ULK4: variants seen among roughly 807,000 people sequenced by gnomAD.
The protein encoded by ULK4 is unc-51 like kinase 4.
A neutral mutation model predicts 160.6 loss-of-function variants in ULK4; 133 were observed. That is an observed-to-expected ratio of 0.83 (90% CI 0.72 to 0.96). The LOEUF (loss-of-function observed/expected upper bound fraction) is 0.96, where lower values mean the gene tolerates loss of function less well. Among genes scored for constraint, ULK4 ranks in the 40% least tolerant of loss-of-function variants. The probability of loss-of-function intolerance (pLI) is 0.00; values close to 1 mark genes in which losing one functional copy is unlikely to be tolerated. For synonymous variants in ULK4, 534 were observed against 539.8 expected, an observed-to-expected ratio of 0.99 and a Z score of 0.15; for missense variants, 1,580 against 1,499.5, an observed-to-expected ratio of 1.05 and a Z score of -0.89.
intron 32 of ULK4, among the ~76,000 whole-genome samples, chr3:41,465,882 G>A (rs986308264): frequency 9.9e-5 from 15 of 152,030 alleles, no homozygotes; most frequent in South Asian, 8.3e-4. Context: ...CTTTCCTGTC[G>A]TTTACCAGTT....
intron 34 of ULK4, among the ~76,000 whole-genome samples, chr3:41,435,150 G>A (rs1237549237): frequency 6.6e-6 from 1 of 152,168 alleles, no homozygotes; most frequent in African/African-American, 2.4e-5. Context: ...AATAGCTTAA[G>A]CAAGCAATTT....
chr3:41,891,574 C>G (rs1173535608), intron 16 of ULK4, among the ~76,000 whole-genome samples: 2 of 151,416 alleles, frequency 1.3e-5, no homozygotes, highest in Non-Finnish European at 2.9e-5. Flanking sequence ...AAGCATGGCA[C>G]AGAGGTAAGC....
chr3:41,767,483 C>G (rs2039206638), intron 21 of ULK4, among the ~76,000 whole-genome samples: 1 of 152,166 alleles, frequency 6.6e-6, no homozygotes, highest in Non-Finnish European at 1.5e-5. Flanking sequence ...TTAGCTATGT[C>G]TTATCTATTT....
At chr3:41,488,038 G>C (rs1406390068) in intron 32 of ULK4, among the ~76,000 whole-genome samples, 1 of 152,036 alleles carries the variant, frequency 6.6e-6, no homozygotes, top group Non-Finnish European at 1.5e-5. Flanking sequence ...ACTTGGAAGG[G>C]GAAGGAAACA....
At chr3:41,642,408 C>A (rs1044923893) in intron 30 of ULK4, among the ~76,000 whole-genome samples, 10 of 152,004 alleles carry the variant, frequency 6.6e-5, no homozygotes, top group African/African-American at 1.9e-4. Flanking sequence ...TCTCATTGTT[C>A]AATTCCCACC....
chr3:41,567,464 T>TTG (rs1559401049), intron 31 of ULK4, among the ~76,000 whole-genome samples: 31 of 148,140 alleles, frequency 2.1e-4, no homozygotes, highest in Non-Finnish European at 3.0e-5. Flanking sequence ...TTTTTTTTTT[T>TTG]TTGAGATGGA....
chr3:41,864,299 G>T (rs1717031), intron 17 of ULK4, among the ~76,000 whole-genome samples: 47,322 of 151,928 alleles, frequency 0.31, 10,768 homozygotes, highest in African/African-American at 0.65. Context: ...CTCCACACCA[G>T]GCTGCTGCTA....
chr3:41,592,693 CAG>C (rs2031434089), intron 31 of ULK4, among the ~76,000 whole-genome samples: 1 of 152,074 alleles, frequency 6.6e-6, no homozygotes, highest in East Asian at 1.9e-4. Context: ...TAATTTAAAA[CAG>C]AAACATTGAG....
At chr3:41,729,919 T>C (rs943103303) in intron 22 of ULK4, among the ~76,000 whole-genome samples, 6 of 152,164 alleles carry the variant, frequency 3.9e-5, no homozygotes, top group Admixed American at 1.3e-4. Context: ...ACCAATGTCA[T>C]AGGACAGATT....
chr3:41,434,154 T>C (rs1316079194), intron 34 of ULK4, among the ~76,000 whole-genome samples: 1 of 152,200 alleles, frequency 6.6e-6, no homozygotes, highest in African/African-American at 2.4e-5. Flanking sequence ...AATAAAATTA[T>C]CTTCATGCTA....
chr3:41,548,605 G>A (rs918551921), intron 32 of ULK4, among the ~76,000 whole-genome samples: 4 of 151,978 alleles, frequency 2.6e-5, no homozygotes, highest in Admixed American at 6.6e-5. Flanking sequence ...CAGTTGGCTC[G>A]CCACCACAAT....
At chr3:41,599,855 G>A (rs1425464967) in intron 31 of ULK4, among the ~76,000 whole-genome samples, 1 of 151,890 alleles carries the variant, frequency 6.6e-6, no homozygotes, top group South Asian at 2.1e-4. Context: ...GTGAGCCACC[G>A]TGCCTGGCAG....
chr3:41,489,434 G>C (rs1405201111), intron 32 of ULK4, among the ~76,000 whole-genome samples: 1 of 152,134 alleles, frequency 6.6e-6, no homozygotes, highest in Non-Finnish European at 1.5e-5. Flanking sequence ...AGGGCAGCGT[G>C]TGATGTAACT....
intron 35 of ULK4, among the ~76,000 whole-genome samples, chr3:41,371,153 C>G (rs2081357741): frequency 1.3e-5 from 2 of 152,182 alleles, no homozygotes; most frequent in South Asian, 2.1e-4. Context: ...AGTCAGGGTA[C>G]TGTAGATCAA....
intron 31 of ULK4, among the ~76,000 whole-genome samples, chr3:41,591,606 A>G (rs1388833950): frequency 1.3e-5 from 2 of 152,346 alleles, no homozygotes; most frequent in Non-Finnish European, 1.5e-5. Context: ...AGCTGGATTT[A>G]GACAAAGGAA....
At chr3:41,579,643 G>A (rs968406057) in intron 31 of ULK4, among the ~76,000 whole-genome samples, 4 of 151,912 alleles carry the variant, frequency 2.6e-5, no homozygotes, top group South Asian at 4.2e-4. Context: ...ACAGGCGCGC[G>A]CCTCCATGCC....
intron 25 of ULK4, among the ~76,000 whole-genome samples, chr3:41,708,330 T>C (rs1433091747): frequency 2.0e-5 from 3 of 152,222 alleles, no homozygotes; most frequent in South Asian, 2.1e-4. Context: ...ATGTGGCAAA[T>C]ATACACGATG....
intron 18 of ULK4, among the ~76,000 whole-genome samples, chr3:41,832,022 G>A (rs1313641238): frequency 1.3e-5 from 2 of 152,174 alleles, no homozygotes. Flanking sequence ...ATGTGCATAT[G>A]TCTTTATAGT....
intron 21 of ULK4, among the ~76,000 whole-genome samples, chr3:41,765,236 T>G (rs1171416358): frequency 6.6e-6 from 1 of 152,076 alleles, no homozygotes; most frequent in Non-Finnish European, 1.5e-5. Flanking sequence ...CCATAAAAAA[T>G]GATGAGTTCA....
Sources: gnomAD v4.1 joint callset for allele counts (sites outside exome capture counted in the v4.1 genomes callset) on GRCh38, gnomAD v4.1.1 for gene constraint, MANE v1.5 for transcripts, NCBI Gene and HGNC (gene_info 2026-07-23, HGNC 2026-07-21) for gene names.